The following TAF6 variants were observed in gnomAD, a reference collection of about 807,000 sequenced individuals.
TAF6 encodes TATA-box binding protein associated factor 6.
In TAF6, 50 loss-of-function variants were observed where a neutral mutation model predicts 73.5. The ratio of observed to expected loss-of-function variants is 0.68; its 90% confidence interval spans 0.54 to 0.86. The LOEUF is 0.86. Ranked by LOEUF, TAF6 falls within the 40% of genes least tolerant of loss-of-function variation. The pLI is 0.00. For synonymous variants in TAF6, 424 were observed against 376.7 expected (o/e 1.13, Z -1.45); for missense variants, 768 against 899.5 (o/e 0.85, Z 1.87).
At chr7:100,115,299 A>C (rs1014668680) in intron 1 of TAF6, 7 of 152,256 alleles carry the variant, frequency 4.6e-5, no homozygotes, top group African/African-American at 1.7e-4. Flanking sequence ...GCCCAGGCTC[A>C]GCTTTCCTTA....
chr7:100,114,318 G>A (rs1476567542), intron 1 of TAF6, 50 bp from the exon 2 acceptor site: 3 of 1,571,484 alleles, frequency 1.9e-6, no homozygotes, highest in South Asian at 2.2e-5. Flanking sequence ...GAGACACAGG[G>A]AGAGGGCCAA....
rs4134909 is a variant in TAF6 at position 100,111,122 on chromosome 7, A to G, written c.1083+17T>C. On this transcript the variant is annotated intron_variant, in intron 10 of 14. Coordinates refer to ENST00000453269, the MANE Select transcript of TAF6 (RefSeq NM_139315.3). ...GCCAGTGATGAAGCAAATGACGCTC[A>G]AGTTTTCCTGGCTCACCTTGGTGAA... The G allele has an allele frequency of 6.2e-7, 1 of 1,609,194 alleles. No individual in the cohort carries two copies. The highest frequency in any genetic ancestry group is 8.5e-7 in the Non-Finnish European group (1 of 1,175,940).
chr7:100,122,897 CAAG>C, upstream of TAF6: 14 of 1,612,498 alleles, frequency 8.7e-6, no homozygotes, highest in Non-Finnish European at 1.2e-5. Context: ...TCACATACCT[CAAG>C]AAGCAGGTAG....
chr7:100,110,481 ACAT>A (rs1348131346), intron 10 of TAF6: 2 of 475,376 alleles, frequency 4.2e-6, no homozygotes, highest in African/African-American at 4.0e-5. Context: ...ACCCTAGTCA[ACAT>A]GGTGAAACTC....
At chr7:100,119,362 CGTG>C, upstream of TAF6, 1 of 1,045,736 alleles carries the variant, frequency 9.6e-7, no homozygotes, top group Non-Finnish European at 1.2e-6. Context: ...CCCGCCCCCT[CGTG>C]GGAGCAGGTC....
the TAF6 span, chr7:100,125,188 CA>C: frequency 3.2e-6 from 1 of 311,180 alleles, no homozygotes. Flanking sequence ...CACCCCCACC[CA>C]AAAGTCAGCA....
Position 100,107,115 on chromosome 7 carries a change from A to G in TAF6, c.*131T>C, listed in dbSNP as rs1009082499. 9 of 1,362,630 alleles carry G rather than the reference A, an allele frequency of 6.6e-6. No individual in the cohort carries two copies. The highest frequency in any genetic ancestry group is 5.0e-5 in the East Asian group (2 of 40,334). 84.4% of individuals were successfully genotyped at this position (1,362,630 alleles called of 1,614,324 possible). A position where few individuals can be genotyped will look rare whatever the true frequency, so the allele number is the denominator to read the frequency against. On this transcript the variant is annotated 3_prime_UTR_variant, in exon 15 of 15. Transcript: ENST00000453269. ...TTTTATTCTGAGAAACTGGCTGTAC[A>G]ATATCTAAAAAGAAAGTGACATGAA...
chr7:100,118,690 C>A, intron 1 of TAF6: 1 of 222,960 alleles, frequency 4.5e-6, no homozygotes, highest in Middle Eastern at 2.2e-3. Flanking sequence ...AAGTGGCACA[C>A]TTGCAGTTGG....
upstream of TAF6, among the ~76,000 whole-genome samples, chr7:100,123,327 G>A (rs1269356228): frequency 6.6e-6 from 1 of 150,900 alleles, no homozygotes; most frequent in Non-Finnish European, 1.5e-5. Flanking sequence ...GGGCGACAGA[G>A]CAAGACTCCA....
upstream of TAF6, chr7:100,122,422 A>C: frequency 1.2e-6 from 2 of 1,613,836 alleles, no homozygotes; most frequent in African/African-American, 1.3e-5. Flanking sequence ...CCAACCCCCA[A>C]CGGAGCCCTG....
chr7:100,108,015 C>G lies in TAF6; in HGVS notation c.1567G>C (p.Ala523Pro). The part of the protein sequence containing the change: ...IALPVQTLVS[A>P]RAAAPPQPSP... ...GGCTGTGGTGGGGCAGCCGCTCGTG[C>G]AGACACCAGTGTCTGGACAGGAAGT... Residue 523 changes from alanine to proline, a missense_variant, in exon 14 of 15, where the codon GCA becomes CCA. This residue lies in a region of TAF6 where 350 missense variants were observed against 352.3 expected (regional missense o/e 0.99). Coordinates refer to ENST00000453269, the MANE Select transcript of TAF6 (RefSeq NM_139315.3). 1 of 1,613,882 alleles carries G rather than the reference C, an allele frequency of 6.2e-7. No individual in the cohort carries two copies. The highest frequency in any genetic ancestry group is 8.5e-7 in the Non-Finnish European group (1 of 1,179,976).
chr7:100,110,138 A>G (rs1309954544), intron 11 of TAF6, 62 bp downstream of exon 11: 11 of 1,613,942 alleles, frequency 6.8e-6, no homozygotes, highest in Admixed American at 1.7e-5. Context: ...ATGGGGGTAC[A>G]GTGCCCTCTA....
At chr7:100,121,116 A>ATTTTTTTTTT (rs1163501525), upstream of TAF6, 5 of 52,800 alleles carry the variant, frequency 9.5e-5, 1 homozygote, top group Non-Finnish European at 1.3e-4. Context: ...ATATATATAT[A>ATTTTTTTTTT]TTTTTTTTTT....
At position 100,108,105 on chromosome 7, in the gene TAF6, G is replaced by C. The variant is rs1455577037; in HGVS notation, c.1477C>G (p.Leu493Val). 5 of 1,604,562 alleles carry C rather than the reference G, an allele frequency of 3.1e-6. No homozygotes were observed. Among genetic ancestry groups the C allele is most frequent in the South Asian group, 2.2e-5 (2 of 89,966 alleles). Reference protein sequence around the residue: ...TITQPRPTLTLSQAPQPGPRT... With the variant: ...TITQPRPTLTVSQAPQPGPRT... ...GGGCCAGGCTGTGGGGCCTGCGAGA[G>C]GGTCAGCGTGGGCCGGGGCTGCGGG... is the stretch of plus-strand genomic sequence containing the variant. The change falls in exon 14 of 15, where the codon CTC (leucine) becomes GTC (valine). Residue 493 changes from leucine to valine, a missense_variant. Physicochemically the swap from Leu to Val is conservative, Grantham distance 32 (BLOSUM62 1). This residue lies in a region of TAF6 where 350 missense variants were observed against 352.3 expected (regional missense o/e 0.99). Transcript: ENST00000453269.
Position 100,112,866 on chromosome 7 carries a change from T to C in TAF6, c.506A>G (p.Lys169Arg). 6.2e-7 allele frequency: 1 copy of C among 1,613,926 alleles called. No individual in the cohort carries two copies. The highest frequency in any genetic ancestry group is 1.1e-5 in the South Asian group (1 of 91,078). ...GGGTCCGTCTTCCTCCTGGCCTGGCTTGGCTGACTTCAGGGGTTCTGTGGC... is the reference window on the plus strand; with the variant it reads ...GGGTCCGTCTTCCTCCTGGCCTGGCCTGGCTGACTTCAGGGGTTCTGTGGC... ...AEATEPLKSA[K>R]PGQEEDGPLK... Residue 169 changes from lysine (K) to arginine (R), a missense_variant, in exon 6 of 15, where the codon AAG becomes AGG. By Grantham distance (26) the Lys-to-Arg change is conservative. Transcript: ENST00000453269.
Position 100,114,113 on chromosome 7 carries a change from C to A in TAF6, c.97G>T (p.Glu33Ter), listed in dbSNP as rs1463704531. ...AESMGIAQIQEETCQLLTDEV... is the reference protein window; with the variant it reads ...AESMGIAQIQ ...TCCGTTAGCAGCTGGCAGGTCTCCT[C>A]CTGAATCTGGGCGATGCCCATGGAT... The change falls in exon 2 of 15, where the codon GAG (glutamate) becomes TAG (stop). Residue 33 changes from glutamate (E) to a stop codon, truncating the protein, a stop_gained. Transcript: ENST00000453269. LOFTEE classifies it high-confidence loss of function. The A allele has an allele frequency of 1.9e-6, 3 of 1,614,102 alleles. No homozygotes were observed. The African/African-American group carries it at 4.0e-5, about 22-fold the overall frequency.
chr7:100,111,793 G>T lies in TAF6; in HGVS notation c.835C>A (p.Leu279Ile). 1 of 1,614,236 alleles carries T rather than the reference G, an allele frequency of 6.2e-7. No individual in the cohort carries two copies. Among genetic ancestry groups the T allele is most frequent in the Non-Finnish European group, 8.5e-7 (1 of 1,180,034 alleles). Residue 279 changes from leucine to isoleucine, a missense_variant, in exon 9 of 15, where the codon CTC becomes ATC. By Grantham distance (5) the Leu-to-Ile change is conservative. Around this residue, in one of 5 missense-constraint regions of TAF6, gnomAD observed 78 missense variants for 153.4 expected, o/e 0.51. Transcript: ENST00000453269. ...VNVVQNNLAL[L>I]IYLMRMVKAL... ...TTCACCATACGCATCAGGTAGATGA[G>T]TAGGGCCAGGTTGTTCTGAACCACG...
Position 100,107,599 on chromosome 7 carries a change from G to A in TAF6, c.1681C>T (p.Pro561Ser), listed in dbSNP as rs1796666140. 1 of 1,613,312 alleles carries A rather than the reference G, an allele frequency of 6.2e-7. No individual in the cohort carries two copies. Among genetic ancestry groups the A allele is most frequent in the Non-Finnish European group, 8.5e-7 (1 of 1,179,850 alleles). The change falls in exon 15 of 15, where the codon CCC (proline) becomes TCC (serine). Residue 561 changes from proline (P) to serine (S), a missense_variant. Pro to Ser is a moderately conservative substitution (Grantham distance 74). Around this residue, in one of 5 missense-constraint regions of TAF6, gnomAD observed 350 missense variants for 352.3 expected, o/e 0.99. Transcript: ENST00000453269. The stretch of plus-strand genomic sequence containing the variant: ...GAAGTGGTGGTGGAACCTGAGCCGG[G>A]GGCCGAGGTGCTGAGGGACAGGACC... ...QQVLSLSTSA[P>S]GSGSTTTSPV...
intron 1 of TAF6, 105 bp from the exon 2 acceptor site, chr7:100,114,373 A>T: frequency 8.7e-7 from 1 of 1,149,616 alleles, no homozygotes; most frequent in South Asian, 1.3e-5. Context: ...CGAGTGTCTT[A>T]TGTCCATCCC....
Sources: allele counts gnomAD v4.1 joint callset (sites outside exome capture counted in the v4.1 genomes callset), GRCh38; gene constraint gnomAD v4.1.1; regional missense constraint gnomAD v4.1.1; transcripts MANE v1.5; gene names NCBI Gene and HGNC (gene_info 2026-07-23, HGNC 2026-07-21).